PROSER2: variants seen among roughly 807,000 people sequenced by gnomAD.
PROSER2 encodes the protein proline and serine rich 2.
Under a neutral mutation model 14.6 loss-of-function variants are expected in PROSER2, and 18 were observed. The ratio of observed to expected loss-of-function variants is 1.23; its 90% CI spans 0.85 to 1.83. The LOEUF (loss-of-function observed/expected upper bound fraction) is 1.83. Among genes scored for constraint, PROSER2 ranks in the 40% most tolerant of loss-of-function variants. The probability of loss-of-function intolerance (pLI) is 0.00; values close to 1 mark genes in which losing one functional copy is unlikely to be tolerated. For missense variants in PROSER2, 823 were observed against 629.8 expected, an observed-to-expected ratio of 1.31 and a Z score of -3.28; for synonymous variants, 367 against 286.4, an observed-to-expected ratio of 1.28 and a Z score of -2.84.
intron 1 of PROSER2, among the ~76,000 whole-genome samples, chr10:11,827,638 G>A (rs1316436120): frequency 1.3e-5 from 2 of 151,312 alleles, no homozygotes; most frequent in East Asian, 1.9e-4. Flanking sequence ...CGTACAATGT[G>A]CCAAGCTGTT....
chr10:11,843,409 C>T (rs1418558819), intron 1 of PROSER2, among the ~76,000 whole-genome samples: 17 of 149,830 alleles, frequency 1.1e-4, no homozygotes, highest in Non-Finnish European at 2.1e-4. Flanking sequence ...AAAAAAAGGC[C>T]GGGTGCGGTG....
chr10:11,859,656 G>A (rs1029537834), intron 2 of PROSER2, among the ~76,000 whole-genome samples: 1 of 152,106 alleles, frequency 6.6e-6, no homozygotes, highest in Non-Finnish European at 1.5e-5. Context: ...CCTCCACTGC[G>A]GGCTCCAGCT....
intron 1 of PROSER2, among the ~76,000 whole-genome samples, chr10:11,832,451 C>T (rs1269498210): frequency 6.6e-6 from 1 of 152,142 alleles, no homozygotes; most frequent in East Asian, 1.9e-4. Flanking sequence ...TAATTTTGTT[C>T]ATGGATTACA....
intron 1 of PROSER2, among the ~76,000 whole-genome samples, chr10:11,840,696 G>C (rs12221217): frequency 0.23 from 34,990 of 151,632 alleles, 4,257 homozygotes; most frequent in Middle Eastern, 0.32. Flanking sequence ...GGCCAGGGCA[G>C]GTGGATCACC....
rs1834489602 is a variant in PROSER2 at position 11,871,570 on chromosome 10, T to G, written c.*1164T>G. 1 of 152,204 alleles carries G rather than the reference T, an allele frequency of 6.6e-6. No individual in the cohort carries two copies. Among genetic ancestry groups the G allele is most frequent in the African/African-American group, 2.4e-5 (1 of 41,436 alleles). 9.4% of individuals were successfully genotyped at this position (152,204 alleles called of 1,614,324 possible). A position where few individuals can be genotyped will look rare whatever the true frequency, so the allele number is the denominator to read the frequency against. Reference sequence around the variant, plus strand: ...ACTGTCATGTTCCACAAGCAAGATCTCAGGGTAGGGAAAAACCAGTGAATG... The same window carrying G: ...ACTGTCATGTTCCACAAGCAAGATCGCAGGGTAGGGAAAAACCAGTGAATG... On this transcript the variant is annotated 3_prime_UTR_variant, in exon 4 of 4. Coordinates refer to ENST00000277570, the MANE Select transcript of PROSER2 (RefSeq NM_153256.4).
intron 3 of PROSER2, among the ~76,000 whole-genome samples, chr10:11,867,046 T>C (rs1275248160): frequency 1.3e-5 from 2 of 151,862 alleles, no homozygotes. Flanking sequence ...AGGTGGATCA[T>C]GAGGTCAGGA....
chr10:11,846,202 G>A (rs1833921345), intron 1 of PROSER2, among the ~76,000 whole-genome samples: 1 of 152,094 alleles, frequency 6.6e-6, no homozygotes, highest in Non-Finnish European at 1.5e-5. Context: ...GGCTAGGCTG[G>A]TCTCGAACTC....
intron 1 of PROSER2, among the ~76,000 whole-genome samples, chr10:11,842,766 T>A (rs976107944): frequency 1.3e-5 from 2 of 151,990 alleles, no homozygotes; most frequent in Admixed American, 6.6e-5. Flanking sequence ...CAGACTTTTT[T>A]TAATCTGAGG....
intron 1 of PROSER2, among the ~76,000 whole-genome samples, chr10:11,843,896 G>GT (rs1001050495): frequency 0.011 from 1,544 of 145,184 alleles, 12 homozygotes; most frequent in Non-Finnish European, 0.014. Flanking sequence ...TAGGTTGAGG[G>GT]TTTTTTTTTT....
In PROSER2 at chr10:11,838,941, A is replaced by G. The variant is rs1833798721; in HGVS notation, c.-81-13056A>G. The stretch of plus-strand genomic sequence containing the variant: ...CTATGAGCTGGCAGCTTTTCTCTTA[A>G]TATTGTCTATGGTGTCCTTAATTTT... On this transcript the variant is annotated intron_variant, in intron 1 of 3. Coordinates refer to ENST00000277570, the MANE Select transcript of PROSER2 (RefSeq NM_153256.4). The surrounding 1 kb of genome is among the most constrained non-coding windows in gnomAD (Gnocchi z 4.4). Among the ~76,000 whole-genome samples, 1 of 152,146 alleles carries G rather than the reference A, an allele frequency of 6.6e-6. No individual in the cohort carries two copies. Among genetic ancestry groups the G allele is most frequent in the South Asian group, 2.1e-4 (1 of 4,834 alleles).
intron 2 of PROSER2, among the ~76,000 whole-genome samples, chr10:11,861,327 A>AT (rs1397159382): frequency 4.6e-5 from 7 of 152,050 alleles, no homozygotes; most frequent in African/African-American, 1.4e-4. Context: ...CCGTGTTTCC[A>AT]TCACACCCCA....
In PROSER2 at chr10:11,854,903, C is replaced by CT. The variant is rs546567112; in HGVS notation, c.138+2699dup. Among the ~76,000 whole-genome samples the CT allele has an allele frequency of 8.3e-3, 1,212 of 145,234 alleles. 9 individuals carry two copies. The highest frequency in any genetic ancestry group is 0.024 in the South Asian group (110 of 4,586). Reference sequence around the variant, plus strand: ...TAAGTTTTATTCTAACTCATCAGGTCTTTTTTTTTTTAATGTGACTTTTCT... The same window carrying CT: ...TAAGTTTTATTCTAACTCATCAGGTCTTTTTTTTTTTTAATGTGACTTTTCT... On this transcript the variant is annotated intron_variant, in intron 2 of 3. Coordinates refer to ENST00000277570, the MANE Select transcript of PROSER2 (RefSeq NM_153256.4).
rs1166141148 is a variant in PROSER2, at chr10:11,837,950, C to T, written c.-81-14047C>T. Reference sequence around the variant, plus strand: ...TTCGGACTTCCCTCCTGAATTGCCCCGGGGTTTCTAGGTGGTGCCTGTCTT... The same window carrying T: ...TTCGGACTTCCCTCCTGAATTGCCCTGGGGTTTCTAGGTGGTGCCTGTCTT... On this transcript the variant is annotated intron_variant, in intron 1 of 3. Transcript: ENST00000277570. This position sits in a 1 kb window ranked among gnomAD's most constrained non-coding sequence, Gnocchi z 4.6. Among the ~76,000 whole-genome samples the T allele has an allele frequency of 4.6e-5, 7 of 151,930 alleles. No homozygotes were observed. The highest frequency in any genetic ancestry group is 7.4e-5 in the Non-Finnish European group (5 of 68,010).
At chr10:11,843,880 T>C (rs1325051982) in intron 1 of PROSER2, among the ~76,000 whole-genome samples, 4 of 151,122 alleles carry the variant, frequency 2.6e-5, no homozygotes, top group South Asian at 2.1e-4. Flanking sequence ...ATAGTACATA[T>C]AGATTTAGGT....
intron 1 of PROSER2, among the ~76,000 whole-genome samples, chr10:11,840,209 T>A (rs1473742827): frequency 6.6e-6 from 1 of 151,312 alleles, no homozygotes; most frequent in Non-Finnish European, 1.5e-5. Flanking sequence ...TGCCTTGGCC[T>A]CCCAAAGTGC....
intron 1 of PROSER2, chr10:11,851,222 AAGT>A (rs889922803): frequency 3.3e-5 from 5 of 152,242 alleles, no homozygotes; most frequent in Non-Finnish European, 5.9e-5. Flanking sequence ...TTTCAAAAAA[AAGT>A]AGCCAGGGTT....
intron 1 of PROSER2, among the ~76,000 whole-genome samples, chr10:11,845,169 G>A (rs149221669): frequency 2.0e-5 from 3 of 152,036 alleles, no homozygotes; most frequent in East Asian, 3.9e-4. Flanking sequence ...GCAATTTCTC[G>A]GTAGGATAAA....
chr10:11,869,322 C>T lies in PROSER2; in HGVS notation c.392-168C>T, dbSNP rs1207395935. On this transcript the variant is annotated intron_variant, in intron 3 of 3. Transcript: ENST00000277570. The surrounding 1 kb of genome is among the most constrained non-coding windows in gnomAD (Gnocchi z 4.4). ...GGTCATGAGCATGACATACCACCTT[C>T]TCCTTCCCTAGTCCCAGGAACAGGG... 2 of 622,392 alleles carry T rather than the reference C, an allele frequency of 3.2e-6. No homozygotes were observed. The highest frequency in any genetic ancestry group is 2.9e-6 in the Non-Finnish European group (1 of 346,104). The allele number at this position is 622,392 out of a possible 1,614,324, so 38.6% of individuals were successfully genotyped here.
Position 11,842,680 on chromosome 10 carries a change from G to A in PROSER2, c.-81-9317G>A, listed in dbSNP as rs1295531431. On this transcript the variant is annotated intron_variant, in intron 1 of 3. Transcript: ENST00000277570. Reference sequence around the variant, plus strand: ...TGAAATAGAGCCTTTTTAAAACTGTGCTCTATTGGTAGCCGACTCGCTCTG... The same window carrying A: ...TGAAATAGAGCCTTTTTAAAACTGTACTCTATTGGTAGCCGACTCGCTCTG... Among the ~76,000 whole-genome samples the A allele has an allele frequency of 8.6e-5, 13 of 151,898 alleles. 1 individual carries two copies. In the Middle Eastern group the frequency reaches 0.01, roughly 120 times the overall value.
Sources: gnomAD v4.1 joint callset for allele counts (sites outside exome capture counted in the v4.1 genomes callset) on GRCh38, gnomAD v4.1.1 for gene constraint, Gnocchi (gnomAD v3.1) non-coding constraint, MANE v1.5 for transcripts, NCBI Gene and HGNC (gene_info 2026-07-23, HGNC 2026-07-21) for gene names.